The following ADAMTS6 variants were observed in gnomAD, a reference collection of about 807,000 sequenced individuals.
ADAMTS6 encodes ADAM metallopeptidase with thrombospondin type 1 motif 6, also known as A disintegrin and metalloproteinase with thrombospondin motifs 6.
ADAMTS6 carries 23 observed loss-of-function variants against 144.3 expected under a neutral mutation model. The observed-to-expected ratio is 0.16, with a 90% confidence interval of 0.11 to 0.23. The LOEUF is 0.23. Among genes scored for constraint, ADAMTS6 ranks in the 10% least tolerant of loss-of-function variants. The pLI is 1.00. For synonymous variants in ADAMTS6, 444 were observed against 457.5 expected, an observed-to-expected ratio of 0.97 and a Z score of 0.38; for missense variants, 999 against 1,379.6, an observed-to-expected ratio of 0.72 and a Z score of 4.37.
At chr5:65,276,621 T>C (rs372947145) in intron 11 of ADAMTS6, among the ~76,000 whole-genome samples, 13 of 152,332 alleles carry the variant, frequency 8.5e-5, no homozygotes, top group African/African-American at 3.1e-4. Flanking sequence ...TTCTCTAAAC[T>C]GCTAAATCCT....
In ADAMTS6 at chr5:65,150,478, T is replaced by C. The variant is rs1752093380; in HGVS notation, c.*1358A>G. 6.5e-6 allele frequency: 1 copy of C among 152,672 alleles called. No individual in the cohort carries two copies. The highest frequency in any genetic ancestry group is 1.5e-5 in the Non-Finnish European group (1 of 68,050). 9.5% of individuals were successfully genotyped at this position (152,672 alleles called of 1,614,324 possible). A position where few individuals can be genotyped will look rare whatever the true frequency, so the allele number is the denominator to read the frequency against. On this transcript the variant is annotated 3_prime_UTR_variant, in exon 25 of 25. Transcript: ENST00000381055. ...TTTAGGTGGATGTGATTCCAGAATT[T>C]GACTTGCCCAAGAAACTGGGTTTCA...
At chr5:65,317,226 C>T (rs1745094757) in intron 9 of ADAMTS6, among the ~76,000 whole-genome samples, 1 of 152,150 alleles carries the variant, frequency 6.6e-6, no homozygotes, top group Non-Finnish European at 1.5e-5. Flanking sequence ...GTCAACACTC[C>T]TCCCTTAGTA....
intron 22 of ADAMTS6, among the ~76,000 whole-genome samples, chr5:65,179,335 C>T (rs780346942): frequency 6.6e-6 from 1 of 152,038 alleles, no homozygotes; most frequent in African/African-American, 2.4e-5. Flanking sequence ...AGGAAATGAC[C>T]AACCTGATGT....
chr5:65,211,558 C>T (rs1206215438), intron 20 of ADAMTS6, among the ~76,000 whole-genome samples: 1 of 152,096 alleles, frequency 6.6e-6, no homozygotes, highest in Non-Finnish European at 1.5e-5. Context: ...GCCGAGATCA[C>T]ACCACTGTGC....
At chr5:65,389,046 A>G (rs1752696682) in intron 7 of ADAMTS6, among the ~76,000 whole-genome samples, 1 of 152,090 alleles carries the variant, frequency 6.6e-6, no homozygotes, top group Admixed American at 6.5e-5. Flanking sequence ...TACTGAAAAT[A>G]CAAAAAAATT....
At chr5:65,379,728 G>A (rs1304485017) in intron 7 of ADAMTS6, among the ~76,000 whole-genome samples, 1 of 151,654 alleles carries the variant, frequency 6.6e-6, no homozygotes, top group African/African-American at 2.4e-5. Context: ...TCGATACCTG[G>A]CAAACAGTGT....
chr5:65,452,089 C>T, intron 6 of ADAMTS6, 44 bp downstream of exon 6: 1 of 1,388,124 alleles, frequency 7.2e-7, no homozygotes. Context: ...AGCTCTATAG[C>T]CTTCTGTTAA....
rs1752009299 is a variant in ADAMTS6, at chr5:65,149,284, A to G, written c.*2552T>C. ...ACTGACAATGCTATTGTTATTATTT[A>G]GGAATAGGGCATCATGTAGCCATGG... On this transcript the variant is annotated 3_prime_UTR_variant, in exon 25 of 25. Transcript: ENST00000381055. 2.6e-5 allele frequency: 4 copies of G among 152,232 alleles called. No homozygotes were observed. The highest frequency in any genetic ancestry group is 2.0e-4 in the Admixed American group (3 of 15,288). 9.4% of individuals were successfully genotyped at this position (152,232 alleles called of 1,614,324 possible). A position where few individuals can be genotyped will look rare whatever the true frequency, so the allele number is the denominator to read the frequency against.
intron 7 of ADAMTS6, among the ~76,000 whole-genome samples, chr5:65,383,532 A>G (rs1448745177): frequency 2.6e-5 from 4 of 152,218 alleles, no homozygotes; most frequent in Admixed American, 6.5e-5. Context: ...CTCACCTTCC[A>G]GACATACTGG....
At chr5:65,321,113 G>A (rs1315310799) in intron 9 of ADAMTS6, among the ~76,000 whole-genome samples, 1 of 152,146 alleles carries the variant, frequency 6.6e-6, no homozygotes, top group Non-Finnish European at 1.5e-5. Flanking sequence ...TTAGATCTTT[G>A]AGGAATCACC....
chr5:65,221,722 C>CA (rs1334953510), intron 18 of ADAMTS6, among the ~76,000 whole-genome samples: 6 of 152,038 alleles, frequency 3.9e-5, no homozygotes, highest in African/African-American at 1.2e-4. Context: ...TCGAGGATGA[C>CA]ATGATAATCT....
chr5:65,437,122 T>A (rs1580706295), intron 7 of ADAMTS6, among the ~76,000 whole-genome samples: 1 of 145,314 alleles, frequency 6.9e-6, no homozygotes, highest in African/African-American at 2.6e-5. Context: ...TGAGACAGAG[T>A]CTCGCTCTGT....
chr5:65,331,482 A>T (rs1046362439), intron 8 of ADAMTS6, among the ~76,000 whole-genome samples: 1 of 152,118 alleles, frequency 6.6e-6, no homozygotes, highest in Non-Finnish European at 1.5e-5. Context: ...TACTTATTGA[A>T]ATATAAAGCT....
At chr5:65,369,973 C>T (rs1463885769) in intron 7 of ADAMTS6, among the ~76,000 whole-genome samples, 1 of 151,446 alleles carries the variant, frequency 6.6e-6, no homozygotes, top group African/African-American at 2.4e-5. Context: ...CCTTTATTTC[C>T]TAGGGAAATA....
At chr5:65,336,092 A>T (rs1271556070) in intron 7 of ADAMTS6, among the ~76,000 whole-genome samples, 1 of 152,124 alleles carries the variant, frequency 6.6e-6, no homozygotes. Flanking sequence ...TTTCTTATAG[A>T]CAAAACCAAC....
At chr5:65,395,075 T>C (rs1753225423) in intron 7 of ADAMTS6, among the ~76,000 whole-genome samples, 1 of 152,040 alleles carries the variant, frequency 6.6e-6, no homozygotes, top group Admixed American at 6.6e-5. Flanking sequence ...CTACCCTGAT[T>C]TGGGAGCCAA....
intron 7 of ADAMTS6, among the ~76,000 whole-genome samples, chr5:65,377,024 T>A (rs1401085074): frequency 6.6e-6 from 1 of 151,966 alleles, no homozygotes; most frequent in Non-Finnish European, 1.5e-5. Flanking sequence ...TATATATATA[T>A]AAATATACTC....
intron 22 of ADAMTS6, among the ~76,000 whole-genome samples, chr5:65,181,287 G>A (rs1754333681): frequency 1.3e-5 from 2 of 152,118 alleles, no homozygotes; most frequent in African/African-American, 2.4e-5. Context: ...CACTTGTGTC[G>A]AGTCCATTTC....
At chr5:65,476,678 A>G (rs1424337408) in intron 1 of ADAMTS6, among the ~76,000 whole-genome samples, 3 of 151,748 alleles carry the variant, frequency 2.0e-5, no homozygotes, top group Non-Finnish European at 4.4e-5. Flanking sequence ...GCACGATCTC[A>G]GCTCACTGCA....
Sources: gnomAD v4.1 joint callset for allele counts (sites outside exome capture counted in the v4.1 genomes callset) on GRCh38, gnomAD v4.1.1 for gene constraint, MANE v1.5 for transcripts, NCBI Gene and HGNC (gene_info 2026-07-23, HGNC 2026-07-21) for gene names.